UNC5D: variants seen among roughly 807,000 people sequenced by gnomAD.
UNC5D encodes netrin receptor UNC5D.
A neutral mutation model predicts 105.4 loss-of-function variants in UNC5D; 39 were observed. The ratio of observed to expected loss-of-function variants is 0.37; its 90% CI spans 0.29 to 0.48. The LOEUF is 0.48. Among genes scored for constraint, UNC5D ranks in the 20% least tolerant of loss-of-function variants. The pLI is 0.98. For missense variants in UNC5D, 991 were observed against 1,202.4 expected, an observed-to-expected ratio of 0.82 and a Z score of 2.60; for synonymous variants, 452 against 450.4, an observed-to-expected ratio of 1.00 and a Z score of -0.04.
At chr8:35,584,683 T>C (rs1012795503) in intron 3 of UNC5D, among the ~76,000 whole-genome samples, 5 of 151,978 alleles carry the variant, frequency 3.3e-5, no homozygotes, top group African/African-American at 1.2e-4. Context: ...ACTCCTGGCC[T>C]GAAGAGATCC....
At chr8:35,571,976 C>A (rs541910800) in intron 3 of UNC5D, among the ~76,000 whole-genome samples, 5 of 152,174 alleles carry the variant, frequency 3.3e-5, no homozygotes, top group African/African-American at 1.2e-4. Context: ...AATTATCCAG[C>A]AAGAATTACC....
intron 2 of UNC5D, among the ~76,000 whole-genome samples, chr8:35,560,073 A>G (rs1324118151): frequency 1.3e-5 from 2 of 152,222 alleles, no homozygotes; most frequent in East Asian, 3.8e-4. Context: ...CCATAGTCAT[A>G]TTTGTATATT....
chr8:35,386,698 C>T (rs1803420873), intron 1 of UNC5D, among the ~76,000 whole-genome samples: 1 of 152,114 alleles, frequency 6.6e-6, no homozygotes, highest in African/African-American at 2.4e-5. Context: ...CATTGAAGAG[C>T]ATCTTGAGTT....
chr8:35,445,508 G>T (rs1402717960), intron 1 of UNC5D, among the ~76,000 whole-genome samples: 1 of 152,010 alleles, frequency 6.6e-6, no homozygotes, highest in East Asian at 1.9e-4. Flanking sequence ...GTCTTAAGGG[G>T]TTGGTACTAT....
At chr8:35,640,623 G>A (rs778730007) in intron 4 of UNC5D, among the ~76,000 whole-genome samples, 2 of 152,112 alleles carry the variant, frequency 1.3e-5, no homozygotes, top group African/African-American at 2.4e-5. Context: ...AATCTAGCAG[G>A]ATGACGCAGT....
At chr8:35,355,805 G>T (rs1801519403) in intron 1 of UNC5D, among the ~76,000 whole-genome samples, 1 of 152,110 alleles carries the variant, frequency 6.6e-6, no homozygotes, top group African/African-American at 2.4e-5. Context: ...GATGGAACTA[G>T]CTAGGCCCCT....
chr8:35,689,060 T>G (rs1353969166), intron 7 of UNC5D, among the ~76,000 whole-genome samples: 1 of 152,214 alleles, frequency 6.6e-6, no homozygotes, highest in Non-Finnish European at 1.5e-5. Flanking sequence ...TAAAGAACCA[T>G]GACAATATAA....
rs189314299 is a variant in UNC5D at position 35,426,165 on chromosome 8, C to T, written c.104-123127C>T. Among the ~76,000 whole-genome samples, 370 of 152,214 alleles carry T rather than the reference C, an allele frequency of 2.4e-3. 2 individuals are homozygous for T. The highest frequency in any genetic ancestry group is 3.0e-3 in the Admixed American group (46 of 15,298). Reference sequence around the variant, plus strand: ...ACTCTTCAAGTGTTTGACAATAAGACGTGGATTCTTCCCACCACCATCAAA... The same window carrying T: ...ACTCTTCAAGTGTTTGACAATAAGATGTGGATTCTTCCCACCACCATCAAA... On this transcript the variant is annotated intron_variant, in intron 1 of 16. Transcript: ENST00000404895.
At chr8:35,549,118 C>T (rs889954156) in intron 1 of UNC5D, among the ~76,000 whole-genome samples, 174 bp from the exon 2 acceptor site, 3 of 151,952 alleles carry the variant, frequency 2.0e-5, no homozygotes, top group African/African-American at 7.3e-5. Flanking sequence ...CCATATCCTC[C>T]TAGTTCAGCT....
At chr8:35,507,118 G>C (rs571060130) in intron 1 of UNC5D, among the ~76,000 whole-genome samples, 15 of 144,590 alleles carry the variant, frequency 1.0e-4, no homozygotes, top group African/African-American at 2.1e-4. Context: ...TGCAGTGGCG[G>C]GATCTCGGCT....
chr8:35,575,977 T>C (rs1181408693), intron 3 of UNC5D, among the ~76,000 whole-genome samples: 1 of 152,152 alleles, frequency 6.6e-6, no homozygotes, highest in African/African-American at 2.4e-5. Flanking sequence ...TTCATCCACC[T>C]GAAGGAAGAG....
At chr8:35,591,121 G>A (rs193005828) in intron 3 of UNC5D, among the ~76,000 whole-genome samples, 59 of 152,070 alleles carry the variant, frequency 3.9e-4, no homozygotes, top group Non-Finnish European at 6.6e-4. Flanking sequence ...TATTTTACAA[G>A]GTAATGTTTT....
At chr8:35,751,384 A>G (rs1453132701) in intron 13 of UNC5D, among the ~76,000 whole-genome samples, 3 of 152,172 alleles carry the variant, frequency 2.0e-5, no homozygotes, top group African/African-American at 7.2e-5. Flanking sequence ...CCGAAACCAT[A>G]ATTTCTAATC....
chr8:35,649,820 A>T (rs1446393223), intron 4 of UNC5D, among the ~76,000 whole-genome samples: 1 of 152,210 alleles, frequency 6.6e-6, no homozygotes, highest in Non-Finnish European at 1.5e-5. Context: ...TGCCAAGGTT[A>T]TGAAAAAACT....
chr8:35,328,075 G>A (rs2128891800), intron 1 of UNC5D, among the ~76,000 whole-genome samples: 1 of 152,218 alleles, frequency 6.6e-6, no homozygotes, highest in South Asian at 2.1e-4. Context: ...TTTGGCTGGA[G>A]TAACACTGGC....
In UNC5D at chr8:35,722,202, T is replaced by A. The variant is rs769485644; in HGVS notation, c.1118-8T>A. 1.1e-5 allele frequency: 17 copies of A among 1,612,124 alleles called. No homozygotes were observed. Among genetic ancestry groups the A allele is most frequent in the Non-Finnish European group, 1.4e-5 (17 of 1,179,364 alleles). On this transcript the variant is annotated splice_polypyrimidine_tract_variant and splice_region_variant and intron_variant, in intron 8 of 16. Coordinates refer to ENST00000404895, the MANE Select transcript of UNC5D (RefSeq NM_080872.4). ...CTGGTCACTTACAATTTCTCTTGTG[T>A]CTTTCAGGCATTGAGAATGCCAGCG...
chr8:35,742,284 T>TAAACCTTA (rs1398628633), intron 11 of UNC5D, among the ~76,000 whole-genome samples: 1 of 151,728 alleles, frequency 6.6e-6, no homozygotes, highest in African/African-American at 2.4e-5. Context: ...AGACAAATAA[T>TAAACCTTA]AAACCTTAAA....
At chr8:35,577,328 A>G (rs369512097) in intron 3 of UNC5D, among the ~76,000 whole-genome samples, 13 of 152,330 alleles carry the variant, frequency 8.5e-5, no homozygotes, top group African/African-American at 3.1e-4. Context: ...AGGTCAGTTT[A>G]GCCTTCTTTA....
At chr8:35,322,784 C>A (rs527863870) in intron 1 of UNC5D, among the ~76,000 whole-genome samples, 1 of 152,142 alleles carries the variant, frequency 6.6e-6, no homozygotes, top group Admixed American at 6.6e-5. Context: ...TGGCTCAGTA[C>A]GTACGATTTC....
Sources: allele counts gnomAD v4.1 joint callset (sites outside exome capture counted in the v4.1 genomes callset), GRCh38; gene constraint gnomAD v4.1.1; transcripts MANE v1.5; gene names NCBI Gene and HGNC (gene_info 2026-07-23, HGNC 2026-07-21).